Variants in SRRM4 observed in about 807,000 individuals in gnomAD.
The protein encoded by SRRM4 is serine/arginine repetitive matrix protein 4.
SRRM4 carries 33 observed loss-of-function variants against 68.9 expected under a neutral mutation model. The ratio of observed to expected loss-of-function variants is 0.48; its 90% CI spans 0.36 to 0.64. The LOEUF (loss-of-function observed/expected upper bound fraction) is 0.64. Among genes scored for constraint, SRRM4 ranks in the 30% least tolerant of loss-of-function variants. The pLI is 0.00. For synonymous variants in SRRM4, 318 were observed against 318.8 expected (o/e 1.00, Z 0.03); for missense variants, 817 against 827.1 (o/e 0.99, Z 0.15).
chr12:119,122,502 G>C (rs2084696547), intron 6 of SRRM4, among the ~76,000 whole-genome samples: 1 of 151,780 alleles, frequency 6.6e-6, no homozygotes, highest in South Asian at 2.1e-4. Context: ...AGTATACCTT[G>C]TGTGTATATT....
intron 1 of SRRM4, among the ~76,000 whole-genome samples, chr12:118,982,683 TTTTTTTTTTTTTC>T: frequency 7.4e-6 from 1 of 135,220 alleles, no homozygotes; most frequent in Non-Finnish European, 1.6e-5. Context: ...TTTTTTGTTT[TTTTTTTTTTTTTC>T]CAAAAAGAAT....
intron 1 of SRRM4, among the ~76,000 whole-genome samples, chr12:119,065,266 T>C (rs1342423192): frequency 6.6e-6 from 1 of 152,170 alleles, no homozygotes; most frequent in Non-Finnish European, 1.5e-5. Context: ...AACACACTGT[T>C]CTGAGTTGAC....
intron 1 of SRRM4, among the ~76,000 whole-genome samples, chr12:119,037,628 T>C (rs1352142232): frequency 6.6e-6 from 1 of 152,224 alleles, no homozygotes; most frequent in East Asian, 1.9e-4. Flanking sequence ...TGTGGGTGTC[T>C]ATTAGGCCTC....
Position 119,012,666 on chromosome 12 carries a change from ATTCT to A in SRRM4, c.131+30655_131+30658del, listed in dbSNP as rs1273795376. Among the ~76,000 whole-genome samples the A allele has an allele frequency of 7.9e-5, 12 of 152,202 alleles. No individual in the cohort carries two copies. In the East Asian group the frequency reaches 2.3e-3, roughly 29 times the overall value. On this transcript the variant is annotated intron_variant, in intron 1 of 12. Coordinates refer to ENST00000267260, the MANE Select transcript of SRRM4 (RefSeq NM_194286.4). ...AGGGCACTCCTGCTCTCTGAGCCAA[ATTCT>A]TCCTTCAGCCACATGTGGTCTCTAT...
intron 6 of SRRM4, 80 bp downstream of exon 6, chr12:119,122,200 G>A: frequency 3.1e-6 from 3 of 972,566 alleles, no homozygotes; most frequent in East Asian, 2.5e-5. Context: ...GAGTCTTAGA[G>A]TTGCCAAATA....
At chr12:119,147,862 G>T (rs1374406360) in intron 9 of SRRM4, among the ~76,000 whole-genome samples, 2 of 152,138 alleles carry the variant, frequency 1.3e-5, no homozygotes, top group Non-Finnish European at 2.9e-5. Context: ...AATCACTGAG[G>T]TTACTGTCAT....
At chr12:118,999,847 C>G (rs971706165) in intron 1 of SRRM4, among the ~76,000 whole-genome samples, 8 of 152,306 alleles carry the variant, frequency 5.3e-5, no homozygotes, top group African/African-American at 1.9e-4. Context: ...TAATACTTTG[C>G]ATATATACAG....
chr12:119,028,055 C>A (rs576819405), intron 1 of SRRM4, among the ~76,000 whole-genome samples: 9 of 152,350 alleles, frequency 5.9e-5, no homozygotes, highest in African/African-American at 2.2e-4. Flanking sequence ...ATCGGAATCA[C>A]CTGGAAGGCT....
At chr12:119,073,085 A>G (rs1953887511) in intron 1 of SRRM4, among the ~76,000 whole-genome samples, 1 of 30,594 alleles carries the variant, frequency 3.3e-5, no homozygotes, top group Admixed American at 4.4e-4. Flanking sequence ...TGTGTAACAC[A>G]TGAAAAGGAA....
At chr12:119,083,681 T>C (rs1052431272) in intron 1 of SRRM4, among the ~76,000 whole-genome samples, 1 of 152,198 alleles carries the variant, frequency 6.6e-6, no homozygotes, top group Non-Finnish European at 1.5e-5. Context: ...AATGGTCCCA[T>C]TCCCAAGATG....
intron 1 of SRRM4, among the ~76,000 whole-genome samples, chr12:119,037,597 G>A (rs979162888): frequency 2.0e-5 from 3 of 152,200 alleles, no homozygotes; most frequent in Non-Finnish European, 2.9e-5. Flanking sequence ...CAGCATGGCT[G>A]ATTTATTTAT....
At chr12:119,036,341 G>A (rs1293698560) in intron 1 of SRRM4, among the ~76,000 whole-genome samples, 1 of 152,188 alleles carries the variant, frequency 6.6e-6, no homozygotes, top group African/African-American at 2.4e-5. Context: ...CCAGGCAGGT[G>A]TTTGTAAGGC....
intron 5 of SRRM4, 47 bp downstream of exon 5, chr12:119,120,323 A>G (rs1008740075): frequency 6.5e-7 from 1 of 1,548,290 alleles, no homozygotes; most frequent in Non-Finnish European, 8.7e-7. Context: ...CTGCTTTCTC[A>G]GCCAGCTTGG....
At chr12:119,075,443 AT>A (rs1953903117) in intron 1 of SRRM4, among the ~76,000 whole-genome samples, 2 of 141,938 alleles carry the variant, frequency 1.4e-5, no homozygotes, top group African/African-American at 5.4e-5. Context: ...GATGATGGTG[AT>A]GATGATGGTG....
At chr12:119,082,948 GAAAGATCTGAGGAAGGAGAGA>G (rs1006707785) in intron 1 of SRRM4, among the ~76,000 whole-genome samples, 1 of 152,218 alleles carries the variant, frequency 6.6e-6, no homozygotes, top group African/African-American at 2.4e-5. Flanking sequence ...AGAAGCTCAA[GAAAGATCTGAGGAAGGAGAGA>G]AAGAACATAG....
chr12:119,082,477 C>A (rs540836544), intron 1 of SRRM4, among the ~76,000 whole-genome samples: 1 of 152,262 alleles, frequency 6.6e-6, no homozygotes, highest in South Asian at 2.1e-4. Context: ...TCGTGATTTC[C>A]CCCCCTTCTT....
intron 9 of SRRM4, among the ~76,000 whole-genome samples, chr12:119,148,171 A>C (rs1447396432): frequency 6.6e-6 from 1 of 152,210 alleles, no homozygotes; most frequent in African/African-American, 2.4e-5. Context: ...AAAGATGACT[A>C]ACGCCTTAGC....
chr12:119,017,147 C>T (rs1953486793), intron 1 of SRRM4, among the ~76,000 whole-genome samples: 1 of 152,180 alleles, frequency 6.6e-6, no homozygotes, highest in South Asian at 2.1e-4. Flanking sequence ...TTGTTTTATT[C>T]CATTTTTAAT....
rs141689860 is a variant in SRRM4 at position 119,120,126 on chromosome 12, C to T, written c.438-124C>T. On this transcript the variant is annotated intron_variant, in intron 4 of 12. Coordinates refer to ENST00000267260, the MANE Select transcript of SRRM4 (RefSeq NM_194286.4). ...CTCCCTCCCTTCCTTCACCATCCCT[C>T]CCTTTCTTCCTTCCTCCTTTCTCTC... 348 of 649,816 alleles carry T rather than the reference C, an allele frequency of 5.4e-4. 1 individual carries two copies. Among genetic ancestry groups the T allele is most frequent in the African/African-American group, 5.3e-3 (289 of 54,576 alleles). 40.3% of individuals were successfully genotyped at this position (649,816 alleles called of 1,614,324 possible). A position where few individuals can be genotyped will look rare whatever the true frequency, so the allele number is the denominator to read the frequency against.
Sources: allele counts gnomAD v4.1 joint callset (sites outside exome capture counted in the v4.1 genomes callset), GRCh38; gene constraint gnomAD v4.1.1; transcripts MANE v1.5; gene names NCBI Gene and HGNC (gene_info 2026-07-23, HGNC 2026-07-21).